MAGI2: variants seen among roughly 807,000 people sequenced by gnomAD.
The protein encoded by MAGI2 is membrane-associated guanylate kinase, WW and PDZ domain-containing protein 2.
Under a neutral mutation model 133.3 loss-of-function variants are expected in MAGI2, and 35 were observed. The observed-to-expected ratio is 0.26, with a 90% CI of 0.20 to 0.35. The LOEUF (loss-of-function observed/expected upper bound fraction) is 0.35. Among genes scored for constraint, MAGI2 ranks in the 10% least tolerant of loss-of-function variants. The pLI is 1.00. For synonymous variants in MAGI2, 729 were observed against 710.6 expected (o/e 1.03, Z -0.41); for missense variants, 1,636 against 1,863.4 (o/e 0.88, Z 2.25).
chr7:79,230,013 A>T (rs562068197), intron 1 of MAGI2, among the ~76,000 whole-genome samples: 1 of 138,476 alleles, frequency 7.2e-6, no homozygotes, highest in South Asian at 2.3e-4. Context: ...TCATTGTTCA[A>T]TTCCCACCTA....
intron 15 of MAGI2, among the ~76,000 whole-genome samples, chr7:78,164,802 C>T (rs3807684): frequency 0.099 from 15,004 of 152,294 alleles, 803 homozygotes; most frequent in East Asian, 0.17. Flanking sequence ...ATTTACACTT[C>T]AGGAAATTCC....
At chr7:78,636,240 A>T (rs1809622530) in intron 2 of MAGI2, among the ~76,000 whole-genome samples, 1 of 152,152 alleles carries the variant, frequency 6.6e-6, no homozygotes, top group Non-Finnish European at 1.5e-5. Flanking sequence ...TGTTGCTTTA[A>T]ACCTCAGTAA....
intron 1 of MAGI2, among the ~76,000 whole-genome samples, chr7:79,321,933 C>A (rs911314218): frequency 3.3e-5 from 5 of 152,140 alleles, no homozygotes; most frequent in Non-Finnish European, 7.3e-5. Context: ...CTGAGTCTCA[C>A]AGCCTTACTC....
rs559219178 is a variant in MAGI2 at position 79,215,094 on chromosome 7, A to T, written c.302-207888T>A. On this transcript the variant is annotated intron_variant, in intron 1 of 21. Coordinates refer to ENST00000354212, the MANE Select transcript of MAGI2 (RefSeq NM_012301.4). ...CAAAGTAAAGCAGAAAAACTAGTTC[A>T]GGTCATGATGGAAAGAGGACATCAG... Among the ~76,000 whole-genome samples, 70 of 151,916 alleles carry T rather than the reference A, an allele frequency of 4.6e-4. 1 individual carries two copies. Among genetic ancestry groups the T allele is most frequent in the African/African-American group, 1.6e-3 (68 of 41,318 alleles).
intron 2 of MAGI2, among the ~76,000 whole-genome samples, chr7:78,991,143 C>T (rs567722826): frequency 6.6e-6 from 1 of 152,042 alleles, no homozygotes; most frequent in South Asian, 2.1e-4. Flanking sequence ...CTCTCTCTCT[C>T]CTGCCACCTT....
At chr7:78,760,517 C>G (rs12536030) in intron 2 of MAGI2, among the ~76,000 whole-genome samples, 1 of 152,018 alleles carries the variant, frequency 6.6e-6, no homozygotes, top group Non-Finnish European at 1.5e-5. Context: ...TATGCACCAC[C>G]GTACCTGGCT....
chr7:78,694,118 G>T (rs1817251567), intron 2 of MAGI2, among the ~76,000 whole-genome samples: 1 of 152,060 alleles, frequency 6.6e-6, no homozygotes, highest in South Asian at 2.1e-4. Context: ...AGTTTCCCAT[G>T]CTCAGATAAC....
At chr7:78,960,026 A>G (rs1802712494) in intron 2 of MAGI2, among the ~76,000 whole-genome samples, 1 of 152,194 alleles carries the variant, frequency 6.6e-6, no homozygotes, top group South Asian at 2.1e-4. Flanking sequence ...TGATAAATAC[A>G]GGAAAATACC....
intron 18 of MAGI2, among the ~76,000 whole-genome samples, chr7:78,129,935 CAAAAAAAAAAA>C (rs61675652): frequency 1.8e-4 from 10 of 57,142 alleles, no homozygotes; most frequent in African/African-American, 7.0e-4. Context: ...AACTCCGCCT[CAAAAAAAAAAA>C]AAAAAAAAAA....
At chr7:79,016,052 G>C (rs1040616214) in intron 1 of MAGI2, among the ~76,000 whole-genome samples, 4 of 151,542 alleles carry the variant, frequency 2.6e-5, no homozygotes, top group African/African-American at 4.9e-5. Context: ...CTCCCTGGGG[G>C]CCCCTGGAAT....
At chr7:78,557,095 A>G (rs943657964) in intron 3 of MAGI2, among the ~76,000 whole-genome samples, 13 of 147,934 alleles carry the variant, frequency 8.8e-5, no homozygotes, top group Admixed American at 3.4e-4. Context: ...AAAAAAAAAA[A>G]AAAAAGAAAA....
At chr7:78,785,733 A>G (rs563915797) in intron 2 of MAGI2, among the ~76,000 whole-genome samples, 2 of 152,350 alleles carry the variant, frequency 1.3e-5, no homozygotes, top group South Asian at 2.1e-4. Flanking sequence ...GTCCTTATCT[A>G]TAAAGTGAAA....
intron 6 of MAGI2, among the ~76,000 whole-genome samples, chr7:78,408,348 T>C (rs1797576656): frequency 6.6e-6 from 1 of 152,012 alleles, no homozygotes; most frequent in Non-Finnish European, 1.5e-5. Flanking sequence ...TTTATCTGTT[T>C]CCAAGCAATT....
intron 3 of MAGI2, among the ~76,000 whole-genome samples, chr7:78,593,125 A>ATTT (rs61169098): frequency 1.9e-4 from 28 of 148,980 alleles, no homozygotes; most frequent in South Asian, 6.4e-4. Flanking sequence ...CTGGCCCCTG[A>ATTT]TTTTTTTTTT....
At chr7:79,404,790 A>ACTC (rs1291860545) in intron 1 of MAGI2, among the ~76,000 whole-genome samples, 1 of 152,010 alleles carries the variant, frequency 6.6e-6, no homozygotes, top group Non-Finnish European at 1.5e-5. Context: ...GGTAGCTGGA[A>ACTC]CTCCCAAATT....
intron 1 of MAGI2, among the ~76,000 whole-genome samples, chr7:79,115,976 C>T (rs772892711): frequency 1.3e-4 from 19 of 148,780 alleles, no homozygotes; most frequent in Non-Finnish European, 2.7e-4. Flanking sequence ...ACTCTCCTAT[C>T]CCAAATTATT....
At chr7:79,228,370 A>AAAAAAAAAAAAAAAAAAAAAAC (rs1491129211) in intron 1 of MAGI2, among the ~76,000 whole-genome samples, 6 of 147,252 alleles carry the variant, frequency 4.1e-5, no homozygotes, top group Non-Finnish European at 7.5e-5. Flanking sequence ...AAAAAAAAAA[A>AAAAAAAAAAAAAAAAAAAAAAC]GATCGTGGGA....
intron 2 of MAGI2, among the ~76,000 whole-genome samples, chr7:78,804,146 C>T (rs1788310687): frequency 6.6e-6 from 1 of 152,148 alleles, no homozygotes; most frequent in Non-Finnish European, 1.5e-5. Flanking sequence ...AACAGATACA[C>T]ACAGACAAGT....
At chr7:79,310,353 A>G (rs866163805) in intron 1 of MAGI2, among the ~76,000 whole-genome samples, 3 of 152,000 alleles carry the variant, frequency 2.0e-5, no homozygotes, top group South Asian at 2.1e-4. Flanking sequence ...CAACCAAAAG[A>G]GGGAAAGGGA....
Sources: allele counts gnomAD v4.1 joint callset (sites outside exome capture counted in the v4.1 genomes callset), GRCh38; gene constraint gnomAD v4.1.1; transcripts MANE v1.5; gene names NCBI Gene and HGNC (gene_info 2026-07-23, HGNC 2026-07-21).